OPCML: variants seen among roughly 807,000 people sequenced by gnomAD.
The protein encoded by OPCML is opioid-binding protein/cell adhesion molecule.
OPCML carries 13 observed loss-of-function variants against 37.8 expected under a neutral mutation model. The observed-to-expected ratio is 0.34, with a 90% CI of 0.22 to 0.55. The LOEUF (loss-of-function observed/expected upper bound fraction) is 0.55. Ranked by LOEUF, OPCML falls within the 20% of genes least tolerant of loss-of-function variation. The pLI is 0.91. For missense variants in OPCML, 341 were observed against 435.6 expected (o/e 0.78, Z 1.93); for synonymous variants, 176 against 168.8 (o/e 1.04, Z -0.33).
intron 1 of OPCML, among the ~76,000 whole-genome samples, chr11:133,261,730 C>G (rs530580719): frequency 6.6e-6 from 1 of 152,190 alleles, no homozygotes; most frequent in African/African-American, 2.4e-5. Context: ...GAAAGAGAGA[C>G]GGGGAGGAGA....
At chr11:133,432,682 T>C (rs1027783829) in intron 1 of OPCML, among the ~76,000 whole-genome samples, 1 of 152,166 alleles carries the variant, frequency 6.6e-6, no homozygotes, top group Non-Finnish European at 1.5e-5. Context: ...TACATGGGAG[T>C]CTCTTTCAGT....
chr11:133,363,698 G>A (rs1944472592), intron 1 of OPCML, among the ~76,000 whole-genome samples: 2 of 152,178 alleles, frequency 1.3e-5, no homozygotes, highest in African/African-American at 4.8e-5. Flanking sequence ...CAGGGCCAAA[G>A]CGCAGAAAGA....
rs973662573 is a variant in OPCML at position 132,904,577 on chromosome 11, T to C, written c.146+38349A>G. Among the ~76,000 whole-genome samples the C allele has an allele frequency of 5.3e-5, 8 of 152,364 alleles. No homozygotes were observed. The South Asian group carries it at 8.3e-4, about 16-fold the overall frequency. The stretch of plus-strand genomic sequence containing the variant: ...TCCTCTGGGAACTGACTATTGCTTC[T>C]AGTTTTTGAAATTGTTGGTGAACCA... On this transcript the variant is annotated intron_variant, in intron 2 of 7. Coordinates refer to ENST00000524381, the MANE Select transcript of OPCML (RefSeq NM_001012393.5).
intron 4 of OPCML, among the ~76,000 whole-genome samples, chr11:132,488,513 G>T (rs1442688449): frequency 6.6e-6 from 1 of 152,150 alleles, no homozygotes; most frequent in Non-Finnish European, 1.5e-5. Flanking sequence ...AAGATGAAAA[G>T]GTATACTTGT....
At chr11:133,227,216 C>T (rs1423509401) in intron 1 of OPCML, among the ~76,000 whole-genome samples, 7 of 152,172 alleles carry the variant, frequency 4.6e-5, no homozygotes, top group African/African-American at 1.4e-4. Flanking sequence ...CATGGGATCC[C>T]TGTTTCACCC....
At chr11:133,028,268 T>G (rs1947601507) in intron 1 of OPCML, among the ~76,000 whole-genome samples, 1 of 152,082 alleles carries the variant, frequency 6.6e-6, no homozygotes, top group African/African-American at 2.4e-5. Flanking sequence ...CAAGGAATAA[T>G]TCCTACAGGT....
chr11:133,187,690 G>C (rs924989038), intron 1 of OPCML, among the ~76,000 whole-genome samples: 7 of 152,138 alleles, frequency 4.6e-5, no homozygotes, highest in African/African-American at 1.7e-4. Flanking sequence ...GCAGTCTAGA[G>C]CTACCGTGCT....
intron 2 of OPCML, among the ~76,000 whole-genome samples, chr11:132,930,546 AT>A (rs1439452894): frequency 3.3e-5 from 5 of 152,202 alleles, no homozygotes; most frequent in African/African-American, 1.2e-4. Context: ...CAACAAAAAA[AT>A]CAATTGCATT....
At chr11:133,241,088 C>T (rs193218193) in intron 1 of OPCML, among the ~76,000 whole-genome samples, 259 of 152,280 alleles carry the variant, frequency 1.7e-3, no homozygotes, top group African/African-American at 5.8e-3. Flanking sequence ...GATGGAGGCT[C>T]ATGCTTAGGT....
At chr11:132,537,174 C>T (rs1286288382) in intron 3 of OPCML, among the ~76,000 whole-genome samples, 1 of 152,164 alleles carries the variant, frequency 6.6e-6, no homozygotes, top group Non-Finnish European at 1.5e-5. Context: ...ATATACATTG[C>T]TTCCTTTAAT....
intron 2 of OPCML, among the ~76,000 whole-genome samples, chr11:132,811,210 T>C (rs931670258): frequency 2.0e-5 from 3 of 152,158 alleles, no homozygotes; most frequent in Non-Finnish European, 2.9e-5. Flanking sequence ...ATTTCGTCTC[T>C]AGGTTGGGAA....
chr11:133,318,593 T>C (rs1342736248), intron 1 of OPCML, among the ~76,000 whole-genome samples: 2 of 152,228 alleles, frequency 1.3e-5, no homozygotes, highest in Non-Finnish European at 2.9e-5. Flanking sequence ...TTTTCCCTAT[T>C]GTGAGAGTCC....
intron 2 of OPCML, among the ~76,000 whole-genome samples, chr11:132,757,923 T>C (rs1229600668): frequency 4.6e-5 from 7 of 152,226 alleles, no homozygotes; most frequent in Admixed American, 2.6e-4. Context: ...GGTTTTTTTA[T>C]GGTTTTAGTT....
At chr11:132,520,615 G>T (rs1232143996) in intron 4 of OPCML, among the ~76,000 whole-genome samples, 3 of 150,844 alleles carry the variant, frequency 2.0e-5, no homozygotes, top group Admixed American at 1.3e-4. Flanking sequence ...GGTAGAGATA[G>T]GTACCCAGTA....
intron 1 of OPCML, among the ~76,000 whole-genome samples, chr11:133,182,829 A>C (rs1239414181): frequency 6.6e-6 from 1 of 152,120 alleles, no homozygotes; most frequent in Non-Finnish European, 1.5e-5. Flanking sequence ...CATATATATG[A>C]TGGCTGCTGA....
chr11:132,457,701 C>T (rs1309975170), intron 4 of OPCML, among the ~76,000 whole-genome samples: 5 of 152,198 alleles, frequency 3.3e-5, no homozygotes, highest in Non-Finnish European at 5.9e-5. Flanking sequence ...CTGGTGCTGT[C>T]CATGGCCTGC....
chr11:133,398,977 C>T (rs1000394382), intron 1 of OPCML, among the ~76,000 whole-genome samples: 2 of 152,124 alleles, frequency 1.3e-5, no homozygotes, highest in African/African-American at 4.8e-5. Context: ...CAAAAACATG[C>T]CAGATCCCTG....
intron 1 of OPCML, chr11:133,004,545 C>T (rs1198669074): frequency 2.1e-5 from 21 of 985,298 alleles, no homozygotes; most frequent in Admixed American, 6.1e-5. Context: ...ACCTCTTGGC[C>T]GTCCTGACAC....
chr11:133,027,567 G>A (rs558946190), intron 1 of OPCML, among the ~76,000 whole-genome samples: 4 of 146,776 alleles, frequency 2.7e-5, no homozygotes, highest in South Asian at 4.6e-4. Context: ...GGTATGTTAC[G>A]TGTGTGGTGT....
Sources: allele counts gnomAD v4.1 joint callset (sites outside exome capture counted in the v4.1 genomes callset), GRCh38; gene constraint gnomAD v4.1.1; transcripts MANE v1.5; gene names NCBI Gene and HGNC (gene_info 2026-07-23, HGNC 2026-07-21).